Variants in NUP214 observed in about 807,000 individuals in gnomAD.
NUP214 encodes the protein nucleoporin 214, also known as nuclear pore complex protein Nup214.
A neutral mutation model predicts 196.2 loss-of-function variants in NUP214; 79 were observed. The observed-to-expected ratio is 0.40, with a 90% CI of 0.34 to 0.49. The LOEUF is 0.49. Ranked by LOEUF, NUP214 falls within the 20% of genes least tolerant of loss-of-function variation. NUP214 has a pLI of 0.58. For missense variants in NUP214, 2,468 were observed against 2,539.0 expected, an observed-to-expected ratio of 0.97 and a Z score of 0.60; for synonymous variants, 1,020 against 990.5, an observed-to-expected ratio of 1.03 and a Z score of -0.56.
At position 131,234,440 on chromosome 9, in the gene NUP214, A is replaced by G. The variant is rs1564226474; in HGVS notation, c.*953A>G. The G allele has an allele frequency of 4.3e-6, 1 of 232,036 alleles. No homozygotes were observed. The highest frequency in any genetic ancestry group is 1.8e-4 in the South Asian group (1 of 5,520). 14.4% of individuals were successfully genotyped at this position (232,036 alleles called of 1,614,324 possible). Reference sequence around the variant, plus strand: ...TAGAGTGCTTCTTTATCTTTAATGCAGTATCTTTGAGGCCTGTAACATCCT... The same window carrying G: ...TAGAGTGCTTCTTTATCTTTAATGCGGTATCTTTGAGGCCTGTAACATCCT... On this transcript the variant is annotated 3_prime_UTR_variant, in exon 36 of 36. Coordinates refer to ENST00000359428, the MANE Select transcript of NUP214 (RefSeq NM_005085.4).
At chr9:131,199,922 G>A (rs116079498) in intron 29 of NUP214, among the ~76,000 whole-genome samples, 1,655 of 152,072 alleles carry the variant, frequency 0.011, 26 homozygotes, top group African/African-American at 0.038. Flanking sequence ...ATAAGGACAC[G>A]GTGTTGAAAA....
intron 18 of NUP214, 123 bp from the exon 19 acceptor site, chr9:131,162,868 C>A: frequency 1.2e-6 from 1 of 855,000 alleles, no homozygotes. Flanking sequence ...TGGTTCTTGT[C>A]CAGTGCTGGT....
Position 131,125,728 on chromosome 9 carries a change from G to C in NUP214, c.24G>C (p.Met8Ile), listed in dbSNP as rs1831326964. The change falls in exon 1 of 36, where the codon ATG (methionine) becomes ATC (isoleucine). Residue 8 changes from methionine (M) to isoleucine (I), a missense_variant. Physicochemically the swap from Met to Ile is conservative, Grantham distance 10. Coordinates refer to ENST00000359428, the MANE Select transcript of NUP214 (RefSeq NM_005085.4). The surrounding 1 kb of genome is among the most constrained non-coding windows in gnomAD (Gnocchi z 4.1). ...CGATGGGAGACGAGATGGATGCCAT[G>C]ATTCCCGAGCGGGAGATGAAGGTCA... The part of the protein sequence containing the change: MGDEMDA[M>I]IPEREMKDFQ... 6.4e-7 allele frequency: 1 copy of C among 1,552,756 alleles called. No homozygotes were observed. Among genetic ancestry groups the C allele is most frequent in the Non-Finnish European group, 8.7e-7 (1 of 1,147,636 alleles).
chr9:131,125,612 G>A lies in NUP214; in HGVS notation c.-93G>A, dbSNP rs1452870783. ...AGGTCAACTGCGCGCCGCTGGCGCT[G>A]AGGGGAGGAAGTTTGCTGTCGAGCG... On this transcript the variant is annotated 5_prime_UTR_variant, in exon 1 of 36. Coordinates refer to ENST00000359428, the MANE Select transcript of NUP214 (RefSeq NM_005085.4). The surrounding 1 kb of genome is among the most constrained non-coding windows in gnomAD (Gnocchi z 4.1). The A allele has an allele frequency of 1.3e-6, 2 of 1,540,606 alleles. No individual in the cohort carries two copies. The highest frequency in any genetic ancestry group is 1.8e-6 in the Non-Finnish European group (2 of 1,142,132).
chr9:131,188,562 G>C (rs184876223), intron 25 of NUP214, among the ~76,000 whole-genome samples: 1 of 152,198 alleles, frequency 6.6e-6, no homozygotes, highest in African/African-American at 2.4e-5. Flanking sequence ...TTTAGCATTC[G>C]ATCTTTCTTC....
Position 131,230,639 on chromosome 9 carries a change from C to T in NUP214, c.6084C>T (p.Ser2028=), listed in dbSNP as rs369484391. ...TCTCACTGGAGCGCAGGTTTGGGAG[C>T]AGCAGCAACACCACATCCTTCGGCA... The part of the protein sequence containing the change: ...AASAGGFGFG[S]SSNTTSFGTL... The change falls in exon 34 of 36, where the codon AGC becomes AGT. Residue 2028 remains serine, a synonymous_variant. Transcript: ENST00000359428. 219 of 1,613,932 alleles carry T rather than the reference C, an allele frequency of 1.4e-4. No individual in the cohort carries two copies. Among genetic ancestry groups the T allele is most frequent in the Middle Eastern group, 1.7e-4 (1 of 6,022 alleles).
intron 16 of NUP214, 55 bp from the exon 17 acceptor site, chr9:131,151,679 CAG>C: frequency 7.2e-7 from 1 of 1,387,532 alleles, no homozygotes; most frequent in Admixed American, 2.2e-5. Flanking sequence ...TTGATCCAAA[CAG>C]AAAGATTTGG....
chr9:131,145,421 G>A (rs1261533603), intron 12 of NUP214, among the ~76,000 whole-genome samples: 7 of 151,914 alleles, frequency 4.6e-5, no homozygotes, highest in East Asian at 3.8e-4. Flanking sequence ...GATAACCATC[G>A]AGTATAAGTA....
intron 24 of NUP214, among the ~76,000 whole-genome samples, chr9:131,184,030 T>TC (rs200363893): frequency 4.6e-4 from 63 of 136,732 alleles, no homozygotes; most frequent in African/African-American, 9.3e-4. Context: ...CTTTTTCTTT[T>TC]TTTTTTTTTT....
At chr9:131,147,098 C>T (rs1346475331) in intron 13 of NUP214, among the ~76,000 whole-genome samples, 1 of 151,764 alleles carries the variant, frequency 6.6e-6, no homozygotes, top group Non-Finnish European at 1.5e-5. Context: ...GCGATCTTCC[C>T]ACCTTAGCCT....
chr9:131,136,143 C>T (rs1232437379), intron 9 of NUP214, 137 bp downstream of exon 9: 1 of 652,358 alleles, frequency 1.5e-6, no homozygotes, highest in African/African-American at 1.8e-5. Context: ...CAAGTTCAAG[C>T]AATTTTGTGC....
At chr9:131,225,405 C>G (rs1834694181) in intron 32 of NUP214, among the ~76,000 whole-genome samples, 1 of 152,164 alleles carries the variant, frequency 6.6e-6, no homozygotes, top group South Asian at 2.1e-4. Context: ...GGCAACAAAG[C>G]AAGACTCTGT....
Position 131,146,701 on chromosome 9 carries a change from A to G in NUP214, c.1945+397A>G, listed in dbSNP as rs544869716. 3.2e-4 allele frequency among the ~76,000 whole-genome samples: 48 copies of G among 152,314 alleles called. No individual in the cohort carries two copies. Among genetic ancestry groups the G allele is most frequent in the African/African-American group, 1.2e-3 (48 of 41,572 alleles). Reference sequence around the variant, plus strand: ...ACCCAGCACTTTGGGAGGCCAAGGCAGGTGGATCACCGGAGGTTAGGAGTT... The same window carrying G: ...ACCCAGCACTTTGGGAGGCCAAGGCGGGTGGATCACCGGAGGTTAGGAGTT... On this transcript the variant is annotated intron_variant, in intron 13 of 35. Transcript: ENST00000359428. The surrounding 1 kb of genome is among the most constrained non-coding windows in gnomAD (Gnocchi z 4.6).
In NUP214 at chr9:131,136,016, T is replaced by C; in HGVS notation, c.1005+10T>C. On this transcript the variant is annotated intron_variant, in intron 9 of 35. Coordinates refer to ENST00000359428, the MANE Select transcript of NUP214 (RefSeq NM_005085.4). ...TCGACAAAGTGATCAGGTAAATCTC[T>C]TTTTTGTCACTTCTGTGGTGCTTTC... 4 of 1,603,720 alleles carry C rather than the reference T, an allele frequency of 2.5e-6. No individual in the cohort carries two copies. The highest frequency in any genetic ancestry group is 3.4e-6 in the Non-Finnish European group (4 of 1,170,920).
At position 131,146,321 on chromosome 9, in the gene NUP214, A is replaced by T. The variant is rs1185970315; in HGVS notation, c.1945+17A>T. 5.6e-6 allele frequency: 9 copies of T among 1,611,544 alleles called. No homozygotes were observed. In the East Asian group the frequency reaches 1.8e-4, roughly 32 times the overall value. On this transcript the variant is annotated intron_variant, in intron 13 of 35. Transcript: ENST00000359428. This position sits in a 1 kb window ranked among gnomAD's most constrained non-coding sequence, Gnocchi z 4.6. ...CACCATCAGGTATGATTTTAAGCAG[A>T]CAACTTTAGACCTCAGCCCTGCCTT...
intron 21 of NUP214, among the ~76,000 whole-genome samples, chr9:131,170,759 T>C (rs1265416830): frequency 6.6e-6 from 1 of 151,820 alleles, no homozygotes; most frequent in Non-Finnish European, 1.5e-5. Context: ...TGGATACTAA[T>C]GGTGACGTTT....
At chr9:131,139,429 G>C in intron 10 of NUP214, 22 bp downstream of exon 10, 1 of 1,599,120 alleles carries the variant, frequency 6.3e-7, no homozygotes, top group East Asian at 2.3e-5. Context: ...CTGGTAGTTA[G>C]TGCAGAAATA....
Position 131,163,012 on chromosome 9 carries a change from A to G in NUP214, c.2562A>G (p.Arg854=). ...ACAGGCACCTGCTTGTGCCAGAGCGAGAGACACTGTTTAACACCCTAGCCA... is the reference window on the plus strand; with the variant it reads ...ACAGGCACCTGCTTGTGCCAGAGCGGGAGACACTGTTTAACACCCTAGCCA... ...KKQRHLLVPE[R]ETLFNTLANN... is the part of the protein sequence containing the mutation. Residue 854 remains arginine, a synonymous_variant, in exon 19 of 36, where the codon CGA becomes CGG. Coordinates refer to ENST00000359428, the MANE Select transcript of NUP214 (RefSeq NM_005085.4). 1 of 1,614,170 alleles carries G rather than the reference A, an allele frequency of 6.2e-7. No homozygotes were observed. The highest frequency in any genetic ancestry group is 8.5e-7 in the Non-Finnish European group (1 of 1,180,022).
chr9:131,216,678 C>T (rs1440492877), intron 31 of NUP214, among the ~76,000 whole-genome samples: 1 of 151,826 alleles, frequency 6.6e-6, no homozygotes, highest in Non-Finnish European at 1.5e-5. Context: ...AGGCACCTGC[C>T]ACCAAGCCTG....
Sources: allele counts gnomAD v4.1 joint callset (sites outside exome capture counted in the v4.1 genomes callset), GRCh38; gene constraint gnomAD v4.1.1; non-coding constraint Gnocchi (gnomAD v3.1); transcripts MANE v1.5; gene names NCBI Gene and HGNC (gene_info 2026-07-23, HGNC 2026-07-21).